EVI5: variants seen among roughly 807,000 people sequenced by gnomAD.
EVI5 encodes the protein ecotropic viral integration site 5 protein homolog.
A neutral mutation model predicts 112.0 loss-of-function variants in EVI5; 73 were observed. That is an observed-to-expected ratio of 0.65 (90% CI 0.54 to 0.79). EVI5 has a LOEUF of 0.79. Among genes scored for constraint, EVI5 ranks in the 30% least tolerant of loss-of-function variants. EVI5 has a pLI of 0.00. For synonymous variants in EVI5, 305 were observed against 319.9 expected (o/e 0.95, Z 0.50); for missense variants, 900 against 968.8 (o/e 0.93, Z 0.94).
chr1:92,629,669 T>G (rs1308865517), intron 14 of EVI5, among the ~76,000 whole-genome samples: 1 of 152,162 alleles, frequency 6.6e-6, no homozygotes, highest in East Asian at 1.9e-4. Context: ...TTTTTTTCTT[T>G]TTTTCTTTTA....
intron 2 of EVI5, among the ~76,000 whole-genome samples, chr1:92,728,938 A>G (rs1356229857): frequency 6.6e-6 from 1 of 152,134 alleles, no homozygotes; most frequent in Non-Finnish European, 1.5e-5. Flanking sequence ...CTATTGCGAT[A>G]TCACAGTGAT....
At chr1:92,641,984 AAAAAAT>A in intron 13 of EVI5, among the ~76,000 whole-genome samples, 1 of 152,186 alleles carries the variant, frequency 6.6e-6, no homozygotes, top group African/African-American at 2.4e-5. Context: ...CTAAAAATAC[AAAAAAT>A]TAGCCAGGCA....
At chr1:92,630,155 T>C (rs1656671753) in intron 14 of EVI5, among the ~76,000 whole-genome samples, 1 of 152,250 alleles carries the variant, frequency 6.6e-6, no homozygotes, top group Admixed American at 6.5e-5. Context: ...TATAGCAGCA[T>C]GATTTATAAT....
intron 19 of EVI5, among the ~76,000 whole-genome samples, chr1:92,533,945 G>A (rs1037544156): frequency 1.3e-5 from 2 of 152,134 alleles, no homozygotes; most frequent in Non-Finnish European, 2.9e-5. Context: ...TCAGGTAAAA[G>A]AAAGAAATAA....
At chr1:92,646,794 G>A (rs1030679238) in intron 13 of EVI5, among the ~76,000 whole-genome samples, 4 of 152,130 alleles carry the variant, frequency 2.6e-5, no homozygotes, top group South Asian at 2.1e-4. Context: ...TTATCTTTTC[G>A]TTTTGGGGAT....
chr1:92,624,897 AT>A (rs1235455084), intron 15 of EVI5, among the ~76,000 whole-genome samples: 1 of 152,134 alleles, frequency 6.6e-6, no homozygotes, highest in Admixed American at 6.5e-5. Flanking sequence ...GTGTGGAAAC[AT>A]TTTTGGCTTT....
At chr1:92,710,329 C>T (rs749953240) in intron 2 of EVI5, among the ~76,000 whole-genome samples, 1 of 151,828 alleles carries the variant, frequency 6.6e-6, no homozygotes, top group Non-Finnish European at 1.5e-5. Context: ...GCCAGGGTGA[C>T]AGAGTGAGAT....
intron 1 of EVI5, chr1:92,756,624 C>A: frequency 2.0e-6 from 1 of 505,088 alleles, no homozygotes; most frequent in South Asian, 1.5e-5. Flanking sequence ...TAAGTGTGTT[C>A]TAGACAGTCT....
chr1:92,571,455 C>T (rs1331602346), intron 18 of EVI5, among the ~76,000 whole-genome samples: 1 of 151,892 alleles, frequency 6.6e-6, no homozygotes, highest in Non-Finnish European at 1.5e-5. Flanking sequence ...GTCCTAAATG[C>T]TATTTAATAA....
chr1:92,699,082 A>G (rs577574148), intron 5 of EVI5, among the ~76,000 whole-genome samples: 1 of 152,318 alleles, frequency 6.6e-6, no homozygotes, highest in African/African-American at 2.4e-5. Flanking sequence ...ACTGCTGCTA[A>G]TAACAAGACA....
intron 19 of EVI5, among the ~76,000 whole-genome samples, chr1:92,533,149 A>T (rs1395918639): frequency 6.6e-6 from 1 of 152,194 alleles, no homozygotes; most frequent in Non-Finnish European, 1.5e-5. Context: ...ATCATCAGAG[A>T]ATGCCATAAA....
chr1:92,731,437 T>C (rs973559427), intron 2 of EVI5, among the ~76,000 whole-genome samples: 3 of 152,196 alleles, frequency 2.0e-5, no homozygotes, highest in Admixed American at 6.5e-5. Context: ...AACAATACCA[T>C]TGACAAATAA....
chr1:92,697,283 T>C (rs1484691617), intron 6 of EVI5, among the ~76,000 whole-genome samples: 1 of 151,924 alleles, frequency 6.6e-6, no homozygotes, highest in African/African-American at 2.4e-5. Flanking sequence ...ATATAAAATA[T>C]AAAAATTAAA....
At position 92,631,425 on chromosome 1, in the gene EVI5, T is replaced by G. The variant is rs567107302; in HGVS notation, c.1527+4777A>C. On this transcript the variant is annotated intron_variant, in intron 14 of 19. Coordinates refer to ENST00000684568, the MANE Select transcript of EVI5 (RefSeq NM_001350197.2). ...CTTGTAAGTTGGATTCCCAGGTATT[T>G]TATTCTCTTTGAAGCAATTGTGAAT... Among the ~76,000 whole-genome samples the G allele has an allele frequency of 7.3e-4, 111 of 152,320 alleles. 1 individual carries two copies. The highest frequency in any genetic ancestry group is 2.1e-3 in the African/African-American group (89 of 41,566).
At chr1:92,547,461 A>T (rs1342092024) in intron 19 of EVI5, among the ~76,000 whole-genome samples, 1 of 152,234 alleles carries the variant, frequency 6.6e-6, no homozygotes, top group African/African-American at 2.4e-5. Context: ...GAGCAAACAC[A>T]TTCAAAAGCT....
At chr1:92,692,361 CA>C (rs1669624179) in intron 9 of EVI5, among the ~76,000 whole-genome samples, 1 of 152,104 alleles carries the variant, frequency 6.6e-6, no homozygotes, top group Non-Finnish European at 1.5e-5. Flanking sequence ...GTGGTTTTAC[CA>C]AGTGACAAAA....
intron 2 of EVI5, among the ~76,000 whole-genome samples, chr1:92,723,907 G>A (rs1182275880): frequency 6.6e-6 from 1 of 152,160 alleles, no homozygotes; most frequent in Non-Finnish European, 1.5e-5. Context: ...TTACGCGGTT[G>A]AGATAAGGAC....
At chr1:92,541,611 C>T (rs770617478) in intron 19 of EVI5, among the ~76,000 whole-genome samples, 12 of 152,030 alleles carry the variant, frequency 7.9e-5, no homozygotes, top group Non-Finnish European at 1.2e-4. Context: ...TCCATTACTA[C>T]GCATATACTC....
At position 92,679,143 on chromosome 1, in the gene EVI5, T is replaced by C. The variant is rs946967580; in HGVS notation, c.1098-1925A>G. On this transcript the variant is annotated intron_variant, in intron 9 of 19. Transcript: ENST00000684568. Reference sequence around the variant, plus strand: ...AAAGGAGTGCAAACCCTATTGTGAATTGTGCATGCTGGGGATCTAGGCTGC... The same window carrying C: ...AAAGGAGTGCAAACCCTATTGTGAACTGTGCATGCTGGGGATCTAGGCTGC... Among the ~76,000 whole-genome samples, 8 of 152,108 alleles carry C rather than the reference T, an allele frequency of 5.3e-5. No homozygotes were observed. The South Asian group carries it at 6.2e-4, about 12-fold the overall frequency.
Sources: gnomAD v4.1 joint callset for allele counts (sites outside exome capture counted in the v4.1 genomes callset) on GRCh38, gnomAD v4.1.1 for gene constraint, MANE v1.5 for transcripts, NCBI Gene and HGNC (gene_info 2026-07-23, HGNC 2026-07-21) for gene names.